Variants in MGAT4C observed in about 807,000 individuals in gnomAD.
The protein encoded by MGAT4C is MGAT4 family member C.
In MGAT4C, 19 loss-of-function variants were observed where a neutral mutation model predicts 40.1. The observed-to-expected ratio is 0.47, with a 90% CI of 0.33 to 0.70. The LOEUF (loss-of-function observed/expected upper bound fraction) is 0.70. Ranked by LOEUF, MGAT4C falls within the 30% of genes least tolerant of loss-of-function variation. MGAT4C has a pLI of 0.02. For missense variants in MGAT4C, 491 were observed against 563.2 expected, an observed-to-expected ratio of 0.87 and a Z score of 1.30; for synonymous variants, 181 against 187.1, an observed-to-expected ratio of 0.97 and a Z score of 0.27.
At chr12:86,807,373 G>A (rs572633127) in intron 1 of MGAT4C, among the ~76,000 whole-genome samples, 3 of 152,138 alleles carry the variant, frequency 2.0e-5, no homozygotes, top group East Asian at 1.9e-4. Context: ...GAGAACATGC[G>A]GTGTTTGGTT....
chr12:86,562,560 G>A (rs1412856172), intron 2 of MGAT4C, among the ~76,000 whole-genome samples: 2 of 151,970 alleles, frequency 1.3e-5, no homozygotes, highest in Non-Finnish European at 2.9e-5. Context: ...TTTGTCTGGG[G>A]CAAATGACCT....
chr12:86,136,952 C>T, intron 1 of MGAT4C, among the ~76,000 whole-genome samples: 1 of 152,110 alleles, frequency 6.6e-6, no homozygotes, highest in Non-Finnish European at 1.5e-5. Flanking sequence ...TCCCAAAGTG[C>T]TGGGATTACA....
intron 2 of MGAT4C, among the ~76,000 whole-genome samples, chr12:86,488,293 G>T (rs1240920652): frequency 6.6e-6 from 1 of 151,542 alleles, no homozygotes; most frequent in African/African-American, 2.4e-5. Flanking sequence ...GGGCATGGTG[G>T]CACATGCCTA....
At chr12:86,709,000 A>T (rs941554476) in intron 2 of MGAT4C, among the ~76,000 whole-genome samples, 2 of 152,124 alleles carry the variant, frequency 1.3e-5, no homozygotes, top group Non-Finnish European at 2.9e-5. Context: ...GGAAGGCATG[A>T]TTAGTTTTGA....
At chr12:86,556,931 A>AT (rs981048103) in intron 2 of MGAT4C, among the ~76,000 whole-genome samples, 1 of 152,108 alleles carries the variant, frequency 6.6e-6, no homozygotes, top group African/African-American at 2.4e-5. Flanking sequence ...TTATTCGACT[A>AT]TTTTTTTAAG....
At chr12:86,528,297 A>G (rs1311997559) in intron 2 of MGAT4C, among the ~76,000 whole-genome samples, 1 of 152,104 alleles carries the variant, frequency 6.6e-6, no homozygotes, top group African/African-American at 2.4e-5. Flanking sequence ...CAAAATAACC[A>G]TTAATTTAAA....
chr12:86,207,913 A>G (rs1950319992), intron 1 of MGAT4C, among the ~76,000 whole-genome samples: 1 of 152,252 alleles, frequency 6.6e-6, no homozygotes. Flanking sequence ...AAGTTAATAA[A>G]GTATTATGGT....
chr12:85,992,018 C>G (rs533297501), intron 2 of MGAT4C, among the ~76,000 whole-genome samples: 32 of 152,292 alleles, frequency 2.1e-4, no homozygotes, highest in Non-Finnish European at 8.8e-5. Context: ...ACATACGTTT[C>G]TGGCCAGAAA....
chr12:85,981,905 G>A (rs1000335104), intron 4 of MGAT4C, among the ~76,000 whole-genome samples: 3 of 152,082 alleles, frequency 2.0e-5, no homozygotes, highest in Non-Finnish European at 4.4e-5. Context: ...AATCAGTAAT[G>A]TTCAAGCAAA....
intron 1 of MGAT4C, among the ~76,000 whole-genome samples, chr12:86,163,448 T>A (rs984263111): frequency 2.6e-5 from 4 of 152,112 alleles, no homozygotes; most frequent in African/African-American, 9.7e-5. Flanking sequence ...CACCTCAGCC[T>A]CCAAAACTGC....
intron 1 of MGAT4C, among the ~76,000 whole-genome samples, chr12:86,075,888 G>T (rs1175594851): frequency 6.6e-6 from 1 of 152,150 alleles, no homozygotes; most frequent in Non-Finnish European, 1.5e-5. Flanking sequence ...GGACTGCTGT[G>T]AAGACCTCTG....
At chr12:86,713,518 T>C (rs1026122031) in intron 2 of MGAT4C, among the ~76,000 whole-genome samples, 2 of 152,224 alleles carry the variant, frequency 1.3e-5, no homozygotes, top group South Asian at 2.1e-4. Context: ...TCTACCTCTA[T>C]AGTAAAGATA....
rs1203102444 is a variant in MGAT4C at position 86,041,677 on chromosome 12, T to G, written c.-7+7997A>C. Among the ~76,000 whole-genome samples the G allele has an allele frequency of 3.3e-5, 5 of 152,230 alleles. No individual in the cohort carries two copies. The East Asian group carries it at 9.6e-4, about 29-fold the overall frequency. On this transcript the variant is annotated intron_variant, in intron 2 of 4. Transcript: ENST00000611864. ...CTTAAATTCTTATAGTGCTGTGGTC[T>G]GATTCTGTGGTTAGTGTGATTTTGC...
chr12:86,645,581 C>A (rs1236948309), intron 2 of MGAT4C, among the ~76,000 whole-genome samples: 1 of 151,710 alleles, frequency 6.6e-6, no homozygotes, highest in African/African-American at 2.4e-5. Flanking sequence ...TTTCTTAAAT[C>A]TGCAAAGTTT....
At chr12:86,767,765 C>A (rs1453843370) in intron 1 of MGAT4C, among the ~76,000 whole-genome samples, 2 of 152,212 alleles carry the variant, frequency 1.3e-5, no homozygotes, top group African/African-American at 4.8e-5. Context: ...AAGACAAAAA[C>A]CACATGATTA....
chr12:86,593,790 T>C (rs1961425413), intron 2 of MGAT4C, among the ~76,000 whole-genome samples: 1 of 152,164 alleles, frequency 6.6e-6, no homozygotes, highest in South Asian at 2.1e-4. Context: ...ACCCTAGTGT[T>C]GGGTGAGGTA....
chr12:86,742,321 ATT>A (rs993775708), intron 1 of MGAT4C, among the ~76,000 whole-genome samples: 7 of 151,492 alleles, frequency 4.6e-5, no homozygotes, highest in Non-Finnish European at 1.0e-4. Context: ...CATGTTCAGT[ATT>A]TGTAGAGTAT....
chr12:86,630,044 G>T (rs1962976459), intron 2 of MGAT4C, among the ~76,000 whole-genome samples: 1 of 151,898 alleles, frequency 6.6e-6, no homozygotes, highest in Non-Finnish European at 1.5e-5. Context: ...GAATCAAATA[G>T]ATACAATAAA....
rs376986836 is a variant in MGAT4C, at chr12:85,979,717, T to C, written c.1009A>G (p.Ile337Val). The change falls in exon 5 of 5, where the codon ATT becomes GTT. Residue 337 changes from isoleucine (I) to valine (V), a missense_variant. Ile to Val is a conservative substitution (Grantham distance 29). Transcript: ENST00000611864. The stretch of plus-strand genomic sequence containing the variant: ...AGACTTGCAGGGGGGTTATCAGGAA[T>C]GTCAAATGACTCCTCTTCAAAATCA... Reference protein sequence around the residue: ...DDDFEEESFDIPDNPPASLYT... With the variant: ...DDDFEEESFDVPDNPPASLYT... 87 of 1,613,562 alleles carry C rather than the reference T, an allele frequency of 5.4e-5. No homozygotes were observed. The Middle Eastern group carries it at 1.8e-3, about 34-fold the overall frequency.
Sources: gnomAD v4.1 joint callset for allele counts (sites outside exome capture counted in the v4.1 genomes callset) on GRCh38, gnomAD v4.1.1 for gene constraint, MANE v1.5 for transcripts, NCBI Gene and HGNC (gene_info 2026-07-23, HGNC 2026-07-21) for gene names.